Variants in MYO10 observed in about 807,000 individuals in gnomAD.
MYO10 encodes unconventional myosin-X.
MYO10 carries 133 observed loss-of-function variants against 257.3 expected under a neutral mutation model. The ratio of observed to expected loss-of-function variants is 0.52; its 90% confidence interval spans 0.45 to 0.60. MYO10 has a LOEUF of 0.60. MYO10 is among the 20% of genes least tolerant of loss of function. MYO10 has a pLI of 0.00. For missense variants in MYO10, 2,399 were observed against 2,635.7 expected, an observed-to-expected ratio of 0.91 and a Z score of 1.97; for synonymous variants, 1,104 against 1,028.6, an observed-to-expected ratio of 1.07 and a Z score of -1.40.
Position 16,689,886 on chromosome 5 carries a change from C to T in MYO10, c.3834G>A (p.Gly1278=). 2 of 1,613,648 alleles carry T rather than the reference C, an allele frequency of 1.2e-6. No individual in the cohort carries two copies. Among genetic ancestry groups the T allele is most frequent in the Middle Eastern group, 1.6e-4 (1 of 6,062 alleles). The part of the protein sequence containing the change: ...EIIDNTTKEN[G]IDIIMADRTF... ...TCCTATCGGCCATAATGATGTCGAT[C>T]CCATTCTCCTTGGTGGTGTTATCTA... Residue 1278 remains glycine, a synonymous_variant, in exon 28 of 41, where the codon GGG becomes GGA. Transcript: ENST00000513610.
chr5:16,760,295 CAAAAAA>C (rs749694848), intron 17 of MYO10, among the ~76,000 whole-genome samples: 2 of 107,314 alleles, frequency 1.9e-5, no homozygotes, highest in African/African-American at 3.3e-5. Flanking sequence ...ACTAAAGATA[CAAAAAA>C]AAAAAAAAAA....
chr5:16,758,304 C>T (rs1268911563), intron 17 of MYO10, 78 bp from the exon 18 acceptor site: 2 of 997,058 alleles, frequency 2.0e-6, no homozygotes, highest in African/African-American at 1.6e-5. Flanking sequence ...ATTAATGGTG[C>T]CCTTTCTCAA....
intron 19 of MYO10, among the ~76,000 whole-genome samples, chr5:16,715,148 A>G (rs1399522910): frequency 2.4e-5 from 3 of 125,212 alleles, no homozygotes; most frequent in African/African-American, 1.2e-4. Context: ...AATTGGACAA[A>G]AAAAAAAAAA....
In MYO10 at chr5:16,671,485, G is replaced by A. The variant is rs760120073; in HGVS notation, c.5367C>T (p.Tyr1789=). ...DLPWKFYFKL[Y]CFLDTDNVPK... ...GCACGTTGTCTGTGTCCAGGAAGCA[G>A]TAAAGTTTGAAGTAGAATTTCCATG... The change falls in exon 38 of 41, where the codon TAC becomes TAT. Residue 1789 remains tyrosine (Y), a synonymous_variant. Transcript: ENST00000513610. The A allele has an allele frequency of 6.2e-7, 1 of 1,613,984 alleles. No individual in the cohort carries two copies. Among genetic ancestry groups the A allele is most frequent in the East Asian group, 2.2e-5 (1 of 44,874 alleles).
intron 19 of MYO10, among the ~76,000 whole-genome samples, chr5:16,736,818 T>A (rs140816890): frequency 2.8e-3 from 427 of 152,354 alleles, no homozygotes; most frequent in Non-Finnish European, 5.1e-3. Context: ...CAATGCCTTA[T>A]GTTTGGCCTT....
At chr5:16,840,889 C>T (rs903647159) in intron 2 of MYO10, among the ~76,000 whole-genome samples, 1 of 151,644 alleles carries the variant, frequency 6.6e-6, no homozygotes, top group African/African-American at 2.4e-5. Context: ...ACCTGTAATC[C>T]CAGCACTTTG....
At chr5:16,683,789 C>T in intron 30 of MYO10, 91 bp downstream of exon 30, 1 of 1,306,040 alleles carries the variant, frequency 7.7e-7, no homozygotes, top group Non-Finnish European at 1.1e-6. Context: ...TTTCACAGCC[C>T]TGTGAAGAGG....
intron 2 of MYO10, among the ~76,000 whole-genome samples, chr5:16,848,878 C>T (rs1743720043): frequency 6.6e-6 from 1 of 152,152 alleles, no homozygotes; most frequent in Non-Finnish European, 1.5e-5. Context: ...TTTCCAACTA[C>T]ATTTGTAAAT....
chr5:16,702,945 C>G lies in MYO10; in HGVS notation c.2490G>C (p.Lys830Asn). 6.4e-7 allele frequency: 1 copy of G among 1,551,610 alleles called. No homozygotes were observed. Among genetic ancestry groups the G allele is most frequent in the South Asian group, 1.2e-5 (1 of 84,026 alleles). The part of the protein sequence containing the change: ...EKKKQEEEEK[K>N]KREEEERERE... ...TGTACCTTTCTTCTTCCTCCCGTTT[C>G]TTCTTTTCTTCCTCTTCCTGTTTCT... The change falls in exon 23 of 41, where the codon AAG (lysine) becomes AAC (asparagine). Residue 830 changes from lysine to asparagine, a missense_variant. Physicochemically the swap from Lys to Asn is moderately conservative, Grantham distance 94. This residue lies in a region of MYO10 where 1,820 missense variants were observed against 1,939.4 expected (regional missense o/e 0.94). Transcript: ENST00000513610.
intron 1 of MYO10, among the ~76,000 whole-genome samples, chr5:16,887,247 T>C (rs527291296): frequency 2.2e-4 from 34 of 152,288 alleles, no homozygotes; most frequent in African/African-American, 7.9e-4. Flanking sequence ...AAGTTTACGA[T>C]AGTAAGAGGT....
intron 2 of MYO10, among the ~76,000 whole-genome samples, chr5:16,858,962 GA>G (rs57835707): frequency 2.7e-5 from 4 of 148,624 alleles, no homozygotes; most frequent in East Asian, 3.9e-4. Context: ...CATCTCAGGG[GA>G]AAAAAAAAAT....
At chr5:16,699,264 G>A (rs1737911479) in intron 26 of MYO10, among the ~76,000 whole-genome samples, 186 bp downstream of exon 26, 1 of 152,058 alleles carries the variant, frequency 6.6e-6, no homozygotes, top group Admixed American at 6.6e-5. Context: ...ACATGACAAG[G>A]TGTCCCTTCA....
intron 1 of MYO10, among the ~76,000 whole-genome samples, chr5:16,900,544 A>C (rs1457700865): frequency 6.6e-6 from 1 of 152,008 alleles, no homozygotes; most frequent in African/African-American, 2.4e-5. Flanking sequence ...AGCAGCTTTC[A>C]AGAGGCAAAT....
chr5:16,715,392 ATTTTTTTTTTTTTT>A (rs372307063), intron 19 of MYO10, among the ~76,000 whole-genome samples: 1 of 84,340 alleles, frequency 1.2e-5, no homozygotes, highest in Non-Finnish European at 2.1e-5. Context: ...TAAGATTGAA[ATTTTTTTTTTTTTT>A]TTTTTTTTTT....
At chr5:16,781,097 T>A (rs1489260527) in intron 6 of MYO10, among the ~76,000 whole-genome samples, 5 of 146,072 alleles carry the variant, frequency 3.4e-5, no homozygotes, top group East Asian at 2.0e-4. Flanking sequence ...TTTTTTTTTT[T>A]AACACAGTGT....
chr5:16,831,777 C>A lies in MYO10; in HGVS notation c.121-13610G>T, dbSNP rs150128373. Among the ~76,000 whole-genome samples the A allele has an allele frequency of 2.6e-5, 4 of 152,156 alleles. No homozygotes were observed. In the East Asian group the frequency reaches 7.7e-4, roughly 29 times the overall value. ...GACTACAAATTGGGTGCAGTGTATA[C>A]TACTCAGGTGATGGGTGCACCAAAA... On this transcript the variant is annotated intron_variant, in intron 2 of 40. Transcript: ENST00000513610.
At chr5:16,725,345 C>T (rs922943182) in intron 19 of MYO10, among the ~76,000 whole-genome samples, 2 of 152,002 alleles carry the variant, frequency 1.3e-5, no homozygotes, top group Non-Finnish European at 2.9e-5. Context: ...CTGCCTGCCT[C>T]GCCCTCCCAA....
chr5:16,672,750 G>T lies in MYO10; in HGVS notation c.5248C>A (p.His1750Asn). Residue 1750 changes from histidine to asparagine, a missense_variant, in exon 37 of 41, where the codon CAC (histidine) becomes AAC (asparagine). By Grantham distance (68) the His-to-Asn change is moderately conservative. This residue lies in a region of MYO10 where 1,820 missense variants were observed against 1,939.4 expected (regional missense o/e 0.94). Transcript: ENST00000513610. ...CGACTTTCAATGGCTTTGTCGACGT[G>T]GCCGTTGTATTCAAACAAAGCAAAC... ...NMFALFEYNG[H>N]VDKAIESRTV... 6.2e-7 allele frequency: 1 copy of T among 1,613,992 alleles called. No individual in the cohort carries two copies. Among genetic ancestry groups the T allele is most frequent in the Non-Finnish European group, 8.5e-7 (1 of 1,179,888 alleles).
intron 19 of MYO10, among the ~76,000 whole-genome samples, chr5:16,734,108 CAA>C (rs111997085): frequency 7.1e-6 from 1 of 140,618 alleles, no homozygotes. Flanking sequence ...AAAAGGGATG[CAA>C]AAAAAAAAAG....
Sources: allele counts gnomAD v4.1 joint callset (sites outside exome capture counted in the v4.1 genomes callset), GRCh38; gene constraint gnomAD v4.1.1; regional missense constraint gnomAD v4.1.1; transcripts MANE v1.5; gene names NCBI Gene and HGNC (gene_info 2026-07-23, HGNC 2026-07-21).